FAF1: variants seen among roughly 807,000 people sequenced by gnomAD.
FAF1 encodes the protein FAS-associated factor 1.
Under a neutral mutation model 92.5 loss-of-function variants are expected in FAF1, and 25 were observed. The observed-to-expected ratio is 0.27, with a 90% confidence interval of 0.20 to 0.38. The LOEUF (loss-of-function observed/expected upper bound fraction) is 0.38, where lower values mean the gene tolerates loss of function less well. FAF1 is among the 10% of genes least tolerant of loss of function. FAF1 has a pLI of 1.00. For missense variants in FAF1, 636 were observed against 793.3 expected, an observed-to-expected ratio of 0.80 and a Z score of 2.38; for synonymous variants, 234 against 273.2, an observed-to-expected ratio of 0.86 and a Z score of 1.42.
At chr1:50,702,246 C>G (rs1231666898) in intron 7 of FAF1, among the ~76,000 whole-genome samples, 5 of 151,960 alleles carry the variant, frequency 3.3e-5, no homozygotes, top group Non-Finnish European at 7.4e-5. Flanking sequence ...TTTAACCCAC[C>G]CCAAGTGCAT....
intron 1 of FAF1, among the ~76,000 whole-genome samples, chr1:50,879,795 A>G (rs931934538): frequency 6.6e-6 from 1 of 152,188 alleles, no homozygotes; most frequent in Non-Finnish European, 1.5e-5. Flanking sequence ...GGGGTCCAGT[A>G]ATCTGTGTTT....
intron 8 of FAF1, among the ~76,000 whole-genome samples, chr1:50,643,395 G>T (rs1006377979): frequency 6.6e-6 from 1 of 151,134 alleles, no homozygotes; most frequent in African/African-American, 2.4e-5. Context: ...ATTCCATATT[G>T]CTTATTAATT....
intron 4 of FAF1, among the ~76,000 whole-genome samples, chr1:50,765,707 CAT>C (rs1391484362): frequency 3.3e-5 from 5 of 152,150 alleles, no homozygotes; most frequent in South Asian, 4.1e-4. Context: ...TCAAATTCCA[CAT>C]GATTTAAAAA....
Position 50,441,295 on chromosome 1 carries a change from T to A in FAF1, c.*145A>T. ...AATCTTAAGTAGCTATATTTATTAT[T>A]ACTTTTTCCAGCAATTTTGCAAGAG... is the stretch of plus-strand genomic sequence containing the variant. On this transcript the variant is annotated 3_prime_UTR_variant, in exon 19 of 19. Coordinates refer to ENST00000396153, the MANE Select transcript of FAF1 (RefSeq NM_007051.3). The A allele has an allele frequency of 1.8e-6, 1 of 541,696 alleles. No homozygotes were observed. The highest frequency in any genetic ancestry group is 3.1e-5 in the East Asian group (1 of 32,696). 33.6% of individuals were successfully genotyped at this position (541,696 alleles called of 1,614,324 possible). A position where few individuals can be genotyped will look rare whatever the true frequency, so the allele number is the denominator to read the frequency against.
chr1:50,871,091 G>A (rs781290507), intron 1 of FAF1, among the ~76,000 whole-genome samples: 2 of 152,154 alleles, frequency 1.3e-5, no homozygotes, highest in Non-Finnish European at 2.9e-5. Context: ...TAAACCAGTC[G>A]AAACTTTTGC....
At chr1:50,585,602 T>C (rs1009101135) in intron 9 of FAF1, among the ~76,000 whole-genome samples, 1 of 152,156 alleles carries the variant, frequency 6.6e-6, no homozygotes, top group Non-Finnish European at 1.5e-5. Context: ...TGAATATTCA[T>C]GCCTTAGGTA....
chr1:50,940,257 T>TA (rs1215657310), intron 1 of FAF1, among the ~76,000 whole-genome samples: 1 of 152,062 alleles, frequency 6.6e-6, no homozygotes, highest in East Asian at 1.9e-4. Flanking sequence ...TTACCAGATT[T>TA]AAAAAAAAGT....
intron 15 of FAF1, among the ~76,000 whole-genome samples, chr1:50,494,700 G>A (rs1201464623): frequency 6.6e-6 from 1 of 152,150 alleles, no homozygotes; most frequent in African/African-American, 2.4e-5. Flanking sequence ...CCCTACCTGA[G>A]CTGTACACTC....
intron 6 of FAF1, among the ~76,000 whole-genome samples, chr1:50,716,000 T>C (rs1658153633): frequency 6.6e-6 from 1 of 152,216 alleles, no homozygotes; most frequent in Non-Finnish European, 1.5e-5. Flanking sequence ...TTTATTGTCT[T>C]GACTGAGTTT....
At chr1:50,660,500 CTT>C (rs796515667) in intron 7 of FAF1, among the ~76,000 whole-genome samples, 1,955 of 144,400 alleles carry the variant, frequency 0.014, 43 homozygotes, top group African/African-American at 0.045. Flanking sequence ...AGATTTCTTT[CTT>C]TTTTTTTTTT....
intron 12 of FAF1, among the ~76,000 whole-genome samples, chr1:50,571,344 A>G (rs1650428827): frequency 6.6e-6 from 1 of 152,200 alleles, no homozygotes; most frequent in African/African-American, 2.4e-5. Flanking sequence ...GCTTTAAAGT[A>G]ACAGAGAGCT....
intron 4 of FAF1, among the ~76,000 whole-genome samples, chr1:50,748,249 A>G (rs548026228): frequency 2.6e-5 from 4 of 151,450 alleles, no homozygotes; most frequent in African/African-American, 9.7e-5. Flanking sequence ...TAATCCCAGC[A>G]CTTTGGGAGG....
intron 1 of FAF1, among the ~76,000 whole-genome samples, chr1:50,888,937 T>C (rs969428708): frequency 6.6e-6 from 1 of 152,206 alleles, no homozygotes; most frequent in Non-Finnish European, 1.5e-5. Flanking sequence ...TCAGAAGGAA[T>C]GGTACCAGCT....
At chr1:50,690,162 A>G (rs192981435) in intron 7 of FAF1, among the ~76,000 whole-genome samples, 234 of 152,040 alleles carry the variant, frequency 1.5e-3, no homozygotes, top group African/African-American at 5.3e-3. Flanking sequence ...TGCCCGGCTA[A>G]TTTTAAGTAG....
At chr1:50,530,982 T>C (rs1572812430) in intron 15 of FAF1, among the ~76,000 whole-genome samples, 1 of 152,180 alleles carries the variant, frequency 6.6e-6, no homozygotes, top group Non-Finnish European at 1.5e-5. Context: ...TACACACTTG[T>C]AGCAAACAAC....
intron 2 of FAF1, among the ~76,000 whole-genome samples, chr1:50,828,558 C>T (rs554833221): frequency 2.6e-5 from 4 of 152,152 alleles, no homozygotes; most frequent in South Asian, 2.1e-4. Context: ...CCTGAGCCAC[C>T]GCGCCCGGCC....
intron 4 of FAF1, among the ~76,000 whole-genome samples, chr1:50,755,590 G>A (rs1008527468): frequency 2.0e-5 from 3 of 152,264 alleles, no homozygotes; most frequent in Middle Eastern, 3.4e-3. Context: ...TCCACTAAGC[G>A]GTGCCCAGTA....
chr1:50,450,509 T>C (rs1646282549), intron 18 of FAF1, among the ~76,000 whole-genome samples: 1 of 152,176 alleles, frequency 6.6e-6, no homozygotes, highest in African/African-American at 2.4e-5. Flanking sequence ...ACTAACTGGC[T>C]TTCTGTTGGG....
intron 2 of FAF1, among the ~76,000 whole-genome samples, chr1:50,838,022 C>T (rs1023104464): frequency 2.6e-5 from 4 of 152,072 alleles, no homozygotes; most frequent in Non-Finnish European, 5.9e-5. Flanking sequence ...GGATTACAGG[C>T]GTGAGCCACC....
Sources: allele counts gnomAD v4.1 joint callset (sites outside exome capture counted in the v4.1 genomes callset), GRCh38; gene constraint gnomAD v4.1.1; transcripts MANE v1.5; gene names NCBI Gene and HGNC (gene_info 2026-07-23, HGNC 2026-07-21).